Variants in OR1J2 observed in about 807,000 individuals in gnomAD.
OR1J2 encodes the protein olfactory receptor 1J2.
For synonymous variants in OR1J2, 142 were observed against 99.7 expected, an observed-to-expected ratio of 1.42 and a Z score of -2.52; for missense variants, 304 against 246.1, an observed-to-expected ratio of 1.24 and a Z score of -1.57.
At chr9:122,571,558 A>T in the OR1J2 span, among the ~76,000 whole-genome samples, 561 of 151,606 alleles carry the variant, frequency 3.7e-3, 4 homozygotes, top group African/African-American at 0.013. Flanking sequence ...AAAAAAAAAA[A>T]AAAAAAAATT....
chr9:122,515,879 G>C (rs145337125), downstream of OR1J2, among the ~76,000 whole-genome samples: 1,605 of 152,170 alleles, frequency 0.011, 34 homozygotes, highest in African/African-American at 0.037. Context: ...CAAACTTTGA[G>C]CCCAGGCAAC....
chr9:122,516,020 G>A (rs1828696234), downstream of OR1J2, among the ~76,000 whole-genome samples: 1 of 152,068 alleles, frequency 6.6e-6, no homozygotes, highest in Non-Finnish European at 1.5e-5. Context: ...TATGGATGAG[G>A]TGTTTTTATA....
the OR1J2 span, among the ~76,000 whole-genome samples, chr9:122,551,379 T>C: frequency 5.3e-4 from 80 of 152,124 alleles, no homozygotes; most frequent in Non-Finnish European, 1.0e-3. Context: ...CTATGGCTGG[T>C]GTGCTTTATT....
At chr9:122,490,698 G>A in the OR1J2 span, among the ~76,000 whole-genome samples, 19,048 of 152,128 alleles carry the variant, frequency 0.13, 1,387 homozygotes, top group East Asian at 0.21. Context: ...AAATTAGAGT[G>A]GCTAAAATGT....
chr9:122,570,307 T>G, the OR1J2 span, among the ~76,000 whole-genome samples: 27 of 152,238 alleles, frequency 1.8e-4, no homozygotes, highest in Admixed American at 4.6e-4. Flanking sequence ...CAGTGTAAAA[T>G]TGTTCCTATT....
chr9:122,539,549 A>G, the OR1J2 span, among the ~76,000 whole-genome samples: 3 of 152,154 alleles, frequency 2.0e-5, no homozygotes, highest in African/African-American at 7.2e-5. Context: ...AGTCTTTGCT[A>G]TTGTGAATAG....
At chr9:122,536,695 G>T in the OR1J2 span, among the ~76,000 whole-genome samples, 6 of 152,198 alleles carry the variant, frequency 3.9e-5, no homozygotes, top group African/African-American at 1.4e-4. Flanking sequence ...GCCCAGGAAT[G>T]TCTTTCTCAA....
the OR1J2 span, among the ~76,000 whole-genome samples, chr9:122,528,867 T>A: frequency 1.3e-5 from 2 of 152,220 alleles, no homozygotes; most frequent in African/African-American, 4.8e-5. Flanking sequence ...AACCAGGGTA[T>A]CAATGCTCTC....
Position 122,511,587 on chromosome 9 carries a change from G to A in OR1J2, c.786G>A (p.Pro262=), listed in dbSNP as rs755875772. 8 of 780,856 alleles carry A rather than the reference G, an allele frequency of 1.0e-5. No individual in the cohort carries two copies. Among genetic ancestry groups the A allele is most frequent in the African/African-American group, 8.5e-5 (5 of 59,092 alleles). The allele number at this position is 780,856 out of a possible 1,614,324, so 48.4% of individuals were successfully genotyped here. The change falls in exon 1 of 1, where the codon CCG becomes CCA. Residue 262 remains proline, a synonymous_variant. Coordinates refer to ENST00000335302, the MANE Select transcript of OR1J2 (RefSeq NM_054107.1). The stretch of plus-strand genomic sequence containing the variant: ...CAATATTTGGCCAGTACCTTTTCCC[G>A]ACTGTAAGCAGTTCTATTGACAAGG... ...YGSIFGQYLF[P]TVSSSIDKDV...
chr9:122,505,256 G>C, the OR1J2 span, among the ~76,000 whole-genome samples: 4 of 152,134 alleles, frequency 2.6e-5, no homozygotes, highest in Non-Finnish European at 5.9e-5. Flanking sequence ...AGGTCAAGAG[G>C]CTGCATCTTG....
chr9:122,523,817 A>G, the OR1J2 span, among the ~76,000 whole-genome samples: 1 of 152,314 alleles, frequency 6.6e-6, no homozygotes, highest in African/African-American at 2.4e-5. Context: ...GAGCAAGAAG[A>G]AAGCAAAACC....
the OR1J2 span, among the ~76,000 whole-genome samples, chr9:122,545,569 T>C: frequency 6.6e-6 from 1 of 152,148 alleles, no homozygotes; most frequent in Non-Finnish European, 1.5e-5. Flanking sequence ...ATGAAACATC[T>C]TCCTTTATCT....
At chr9:122,522,933 A>G in the OR1J2 span, among the ~76,000 whole-genome samples, 1 of 152,244 alleles carries the variant, frequency 6.6e-6, no homozygotes, top group Non-Finnish European at 1.5e-5. Context: ...CAGGCATTGT[A>G]TTAAAAGCTG....
upstream of OR1J2, among the ~76,000 whole-genome samples, chr9:122,510,000 G>T (rs763913877): frequency 2.6e-5 from 4 of 152,092 alleles, no homozygotes; most frequent in Non-Finnish European, 4.4e-5. Flanking sequence ...CTGTCGGGGG[G>T]TGCGGGAGGA....
chr9:122,507,596 G>A (rs751247453), upstream of OR1J2, among the ~76,000 whole-genome samples: 14 of 152,090 alleles, frequency 9.2e-5, no homozygotes, highest in Non-Finnish European at 1.9e-4. Context: ...GTCTGAATGA[G>A]AACTCCAGCA....
the OR1J2 span, among the ~76,000 whole-genome samples, chr9:122,560,965 A>G: frequency 3.3e-5 from 5 of 152,168 alleles, no homozygotes; most frequent in African/African-American, 9.7e-5. Context: ...AGGTACTCCA[A>G]TCAATCATAG....
chr9:122,574,704 A>G, the OR1J2 span, among the ~76,000 whole-genome samples: 1 of 152,070 alleles, frequency 6.6e-6, no homozygotes, highest in Non-Finnish European at 1.5e-5. Context: ...TTATTGCATT[A>G]GGTAGGATTT....
At chr9:122,519,303 C>A in the OR1J2 span, 1 of 1,614,082 alleles carries the variant, frequency 6.2e-7, no homozygotes, top group Non-Finnish European at 8.5e-7. Flanking sequence ...GGACTCTCAC[C>A]TTCACACCCC....
At chr9:122,571,411 A>G in the OR1J2 span, among the ~76,000 whole-genome samples, 141,781 of 152,088 alleles carry the variant, frequency 0.93, 66,172 homozygotes, top group East Asian at 0.98. Context: ...TTAGCCAGGC[A>G]TGGTGGCGGG....
Sources: allele counts gnomAD v4.1 joint callset (sites outside exome capture counted in the v4.1 genomes callset), GRCh38; gene constraint gnomAD v4.1.1; transcripts MANE v1.5; gene names NCBI Gene and HGNC (gene_info 2026-07-23, HGNC 2026-07-21).